The following COX7A2L variants were observed in gnomAD, a reference collection of about 807,000 sequenced individuals.
COX7A2L encodes the protein cytochrome c oxidase subunit 7A2-like, mitochondrial.
In COX7A2L, 18 loss-of-function variants were observed where a neutral mutation model predicts 14.2. The ratio of observed to expected loss-of-function variants is 1.27; its 90% CI spans 0.88 to 1.88. The LOEUF (loss-of-function observed/expected upper bound fraction) is 1.88, where lower values mean the gene tolerates loss of function less well. Among genes scored for constraint, COX7A2L ranks in the 40% most tolerant of loss-of-function variants. The pLI is 0.00. For synonymous variants in COX7A2L, 65 were observed against 57.4 expected, an observed-to-expected ratio of 1.13 and a Z score of -0.60; for missense variants, 179 against 138.8, an observed-to-expected ratio of 1.29 and a Z score of -1.46.
chr2:42,362,104 C>A (rs1228845145), upstream of COX7A2L, among the ~76,000 whole-genome samples: 4 of 152,120 alleles, frequency 2.6e-5, no homozygotes, highest in Non-Finnish European at 5.9e-5. Flanking sequence ...CTGCTCTTTG[C>A]GATAAATGAG....
chr2:42,355,682 A>C (rs115803481), intron 1 of COX7A2L, among the ~76,000 whole-genome samples: 174 of 148,896 alleles, frequency 1.2e-3, no homozygotes, highest in African/African-American at 4.2e-3. Context: ...ATTCAGGTTT[A>C]ATAATTTAAC....
rs561669045 is a variant in COX7A2L, at chr2:42,343,366, T to C, written c.193-9497A>G. On this transcript the variant is annotated intron_variant, in intron 2 of 2. Transcript: ENST00000468711. ...TGAAAATGACCCTAAGCATGGTTCA[T>C]CTCTGAGGCTCCAGCACCTAATAGT... Among the ~76,000 whole-genome samples, 13 of 152,332 alleles carry C rather than the reference T, an allele frequency of 8.5e-5. No homozygotes were observed. The East Asian group carries it at 2.5e-3, about 29-fold the overall frequency.
upstream of COX7A2L, among the ~76,000 whole-genome samples, chr2:42,362,189 G>C (rs1031963324): frequency 6.6e-6 from 1 of 152,192 alleles, no homozygotes; most frequent in Non-Finnish European, 1.5e-5. Context: ...ACCACTTTCA[G>C]TTCTGGTAGT....
At chr2:42,353,441 G>C (rs1670714074) in intron 1 of COX7A2L, 98 bp from the exon 2 acceptor site, 1 of 1,498,580 alleles carries the variant, frequency 6.7e-7, no homozygotes. Flanking sequence ...GAGCAAGAAA[G>C]TCTCTCCAAC....
chr2:42,361,409 T>G, upstream of COX7A2L: 1 of 457,702 alleles, frequency 2.2e-6, no homozygotes, highest in South Asian at 3.1e-5. Context: ...TGGCGGAGTC[T>G]GTAGGAAATA....
At chr2:42,340,776 C>A (rs1027501009) in intron 2 of COX7A2L, among the ~76,000 whole-genome samples, 8 of 152,176 alleles carry the variant, frequency 5.3e-5, no homozygotes, top group Non-Finnish European at 8.8e-5. Flanking sequence ...TGCACTGGGC[C>A]GCTCCACTGC....
chr2:42,338,830 G>A lies in COX7A2L; in HGVS notation c.193-4961C>T, dbSNP rs1429739899. On this transcript the variant is annotated intron_variant, in intron 2 of 2. Coordinates refer to the COX7A2L transcript ENST00000468711. This position sits in a 1 kb window ranked among gnomAD's most constrained non-coding sequence, Gnocchi z 4.4. ...GGGTTTAGGTGTTATCTGTGCGGCA[G>A]AGGTACCATCTCCCATGTCTAGAAA... 6.6e-6 allele frequency among the ~76,000 whole-genome samples: 1 copy of A among 152,236 alleles called. No homozygotes were observed. Among genetic ancestry groups the A allele is most frequent in the African/African-American group, 2.4e-5 (1 of 41,464 alleles).
At chr2:42,347,277 A>C (rs1462625512), downstream of COX7A2L, among the ~76,000 whole-genome samples, 1 of 151,634 alleles carries the variant, frequency 6.6e-6, no homozygotes, top group Non-Finnish European at 1.5e-5. Context: ...GGCACTCTCA[A>C]CACTGCTAGA....
chr2:42,342,164 C>A lies in COX7A2L; in HGVS notation c.193-8295G>T, dbSNP rs1355404754. ...AGGCTGAGCTGAGCAACCACGCTGC[C>A]TCCATGCTTGAGCTCAGGGCTCCAC... On this transcript the variant is annotated intron_variant, in intron 2 of 2. Transcript: ENST00000468711. The surrounding 1 kb of genome is among the most constrained non-coding windows in gnomAD (Gnocchi z 4.9). Among the ~76,000 whole-genome samples the A allele has an allele frequency of 6.6e-6, 1 of 152,144 alleles. No homozygotes were observed. The highest frequency in any genetic ancestry group is 2.4e-5 in the African/African-American group (1 of 41,424).
exon 1 of COX7A2L, chr2:42,368,914 C>A (rs1377993279): frequency 6.6e-6 from 1 of 152,284 alleles, no homozygotes; most frequent in East Asian, 1.9e-4. Context: ...CTCACATCCC[C>A]AGCAGTTTCC....
rs996456315 is a variant in COX7A2L, at chr2:42,342,051, G to T, written c.193-8182C>A. Among the ~76,000 whole-genome samples, 1 of 152,164 alleles carries T rather than the reference G, an allele frequency of 6.6e-6. No homozygotes were observed. Among genetic ancestry groups the T allele is most frequent in the Admixed American group, 6.5e-5 (1 of 15,270 alleles). On this transcript the variant is annotated intron_variant, in intron 2 of 2. Coordinates refer to the COX7A2L transcript ENST00000468711. This position sits in a 1 kb window ranked among gnomAD's most constrained non-coding sequence, Gnocchi z 4.9. ...GGAAGATGGGGTTAAAGCCCTCCCAGGTATGAACTGATTCTAGAGCATCTG... is the reference window on the plus strand; with the variant it reads ...GGAAGATGGGGTTAAAGCCCTCCCATGTATGAACTGATTCTAGAGCATCTG...
chr2:42,367,187 G>A (rs1329716526), intron 1 of COX7A2L, among the ~76,000 whole-genome samples: 11 of 152,220 alleles, frequency 7.2e-5, no homozygotes, highest in Admixed American at 7.2e-4. Flanking sequence ...CTTCTGAAGA[G>A]GGTGACAAGT....
chr2:42,339,444 A>G lies in COX7A2L; in HGVS notation c.193-5575T>C, dbSNP rs1222036884. ...GGCAGCCTCCAAGGCCACAGGCGTT[A>G]CTCCTGCCTCTACAGAGCTGGCGCG... On this transcript the variant is annotated intron_variant, in intron 2 of 2. Transcript: ENST00000468711. This position sits in a 1 kb window ranked among gnomAD's most constrained non-coding sequence, Gnocchi z 5.4. 6.6e-6 allele frequency among the ~76,000 whole-genome samples: 1 copy of G among 152,012 alleles called. No individual in the cohort carries two copies. The highest frequency in any genetic ancestry group is 1.5e-5 in the Non-Finnish European group (1 of 67,994).
At position 42,338,222 on chromosome 2, in the gene COX7A2L, C is replaced by T. The variant is rs757674165; in HGVS notation, c.193-4353G>A. On this transcript the variant is annotated intron_variant, in intron 2 of 2. Transcript: ENST00000468711. This position sits in a 1 kb window ranked among gnomAD's most constrained non-coding sequence, Gnocchi z 4.4. ...CCCAGCCGCAGCGGCCAGGGAGCCGCTCCTCGTCTTGCTTCCGGTTGATGT... is the reference window on the plus strand; with the variant it reads ...CCCAGCCGCAGCGGCCAGGGAGCCGTTCCTCGTCTTGCTTCCGGTTGATGT... Among the ~76,000 whole-genome samples, 262 of 152,370 alleles carry T rather than the reference C, an allele frequency of 1.7e-3. 2 individuals are homozygous for T. Among genetic ancestry groups the T allele is most frequent in the Non-Finnish European group, 2.0e-3 (133 of 68,038 alleles).
At chr2:42,347,212 G>A (rs1191957797), downstream of COX7A2L, among the ~76,000 whole-genome samples, 2 of 151,780 alleles carry the variant, frequency 1.3e-5, no homozygotes, top group Non-Finnish European at 2.9e-5. Context: ...TTAGAGGACT[G>A]GCAAAGATCA....
At chr2:42,336,487 T>A (rs534796629) in intron 2 of COX7A2L, among the ~76,000 whole-genome samples, 2 of 152,234 alleles carry the variant, frequency 1.3e-5, no homozygotes, top group Non-Finnish European at 2.9e-5. Flanking sequence ...AAAAGGAATT[T>A]CTTAATATGC....
At chr2:42,340,499 C>T (rs1329839364) in intron 2 of COX7A2L, among the ~76,000 whole-genome samples, 2 of 152,190 alleles carry the variant, frequency 1.3e-5, no homozygotes, top group African/African-American at 2.4e-5. Flanking sequence ...CCGACACACA[C>T]CCTGCTCACC....
rs538092632 is a variant in COX7A2L at position 42,350,633 on chromosome 2, A to T, written c.*586T>A. The T allele has an allele frequency of 6.6e-6, 1 of 151,016 alleles. No homozygotes were observed. The highest frequency in any genetic ancestry group is 1.5e-5 in the Non-Finnish European group (1 of 67,914). The allele number at this position is 151,016 out of a possible 1,614,324, so 9.4% of individuals were successfully genotyped here. On this transcript the variant is annotated 3_prime_UTR_variant, in exon 3 of 3. Coordinates refer to ENST00000234301, the MANE Select transcript of COX7A2L (RefSeq NM_004718.4). ...AGACACCAGTCTAAAGTGCAACACT[A>T]AACAGGTATTCTCTGTTCCCACGGT...
chr2:42,351,036 C>A lies in COX7A2L; in HGVS notation c.*183G>T. 1 of 595,524 alleles carries A rather than the reference C, an allele frequency of 1.7e-6. No homozygotes were observed. The highest frequency in any genetic ancestry group is 2.8e-6 in the Non-Finnish European group (1 of 358,234). The allele number at this position is 595,524 out of a possible 1,614,324, so 36.9% of individuals were successfully genotyped here. A position where few individuals can be genotyped will look rare whatever the true frequency, so the allele number is the denominator to read the frequency against. ...TTCTTTAAACAATGGCTTTAACTGT[C>A]GAATGAGCTCTGACAAGCCATATGC... On this transcript the variant is annotated 3_prime_UTR_variant, in exon 3 of 3. Coordinates refer to ENST00000234301, the MANE Select transcript of COX7A2L (RefSeq NM_004718.4).
Sources: allele counts gnomAD v4.1 joint callset (sites outside exome capture counted in the v4.1 genomes callset), GRCh38; gene constraint gnomAD v4.1.1; non-coding constraint Gnocchi (gnomAD v3.1); transcripts MANE v1.5; gene names NCBI Gene and HGNC (gene_info 2026-07-23, HGNC 2026-07-21).